CALN1: variants seen among roughly 807,000 people sequenced by gnomAD.
CALN1 encodes the protein calcium-binding protein 8.
Under a neutral mutation model 30.6 loss-of-function variants are expected in CALN1, and 17 were observed. The observed-to-expected ratio is 0.56, with a 90% CI of 0.38 to 0.83. The LOEUF is 0.83. Among genes scored for constraint, CALN1 ranks in the 40% least tolerant of loss-of-function variants. The pLI is 0.00. For synonymous variants in CALN1, 156 were observed against 131.4 expected, an observed-to-expected ratio of 1.19 and a Z score of -1.28; for missense variants, 291 against 354.9, an observed-to-expected ratio of 0.82 and a Z score of 1.45.
intron 4 of CALN1, among the ~76,000 whole-genome samples, chr7:72,044,223 G>A (rs1041689243): frequency 1.3e-5 from 2 of 152,094 alleles, no homozygotes; most frequent in African/African-American, 4.8e-5. Context: ...AGAACAGGAG[G>A]AGCAAATCAG....
chr7:72,458,771 A>G, the CALN1 span, among the ~76,000 whole-genome samples: 1 of 122,268 alleles, frequency 8.2e-6, no homozygotes, highest in Non-Finnish European at 1.6e-5. Context: ...TCTATATTAT[A>G]TAATATATTT....
At chr7:72,333,204 A>T (rs918620875) in intron 2 of CALN1, among the ~76,000 whole-genome samples, 2 of 152,074 alleles carry the variant, frequency 1.3e-5, no homozygotes, top group Non-Finnish European at 2.9e-5. Context: ...CATCACCTCC[A>T]CCCTTGCCTA....
At chr7:72,103,982 T>A (rs1480889609) in intron 4 of CALN1, 1 of 152,352 alleles carries the variant, frequency 6.6e-6, no homozygotes, top group South Asian at 2.1e-4. Flanking sequence ...AGGAAGATAA[T>A]GCCATTTTCT....
chr7:72,140,847 G>C (rs1809877230), intron 3 of CALN1, among the ~76,000 whole-genome samples: 1 of 152,246 alleles, frequency 6.6e-6, no homozygotes, highest in Non-Finnish European at 1.5e-5. Context: ...GGGAAAGCTG[G>C]CAAGTACATC....
chr7:71,808,337 AT>A (rs1759450655), intron 6 of CALN1, among the ~76,000 whole-genome samples: 1 of 151,686 alleles, frequency 6.6e-6, no homozygotes, highest in Non-Finnish European at 1.5e-5. Flanking sequence ...ACTTAAAATT[AT>A]TAATTAACCA....
chr7:71,937,399 T>C (rs1460377644), intron 5 of CALN1, among the ~76,000 whole-genome samples: 1 of 149,130 alleles, frequency 6.7e-6, no homozygotes, highest in Non-Finnish European at 1.5e-5. Context: ...TATATGTATT[T>C]ACATATACAG....
chr7:71,808,591 T>C (rs1210676370), intron 6 of CALN1, among the ~76,000 whole-genome samples: 6 of 152,136 alleles, frequency 3.9e-5, no homozygotes, highest in Admixed American at 3.9e-4. Flanking sequence ...ATGTATAAGG[T>C]TTTGAGAAAT....
At chr7:72,460,904 T>A in the CALN1 span, among the ~76,000 whole-genome samples, 4 of 152,134 alleles carry the variant, frequency 2.6e-5, no homozygotes, top group Non-Finnish European at 5.9e-5. Context: ...CCTTCTTGAA[T>A]CACCCTGAGT....
At chr7:72,035,806 CCA>C (rs1801758195) in intron 4 of CALN1, among the ~76,000 whole-genome samples, 1 of 152,192 alleles carries the variant, frequency 6.6e-6, no homozygotes, top group Non-Finnish European at 1.5e-5. Context: ...ATGGCCCAAA[CCA>C]CAAACTAGTA....
intron 5 of CALN1, among the ~76,000 whole-genome samples, chr7:71,811,613 C>T (rs376199300): frequency 3.3e-5 from 5 of 151,848 alleles, no homozygotes; most frequent in Admixed American, 6.6e-5. Context: ...TGCCCCTCCC[C>T]GAGAGAGGAC....
At chr7:72,338,525 G>GTGTCTGTGTGTCTGTCTGTC in intron 2 of CALN1, among the ~76,000 whole-genome samples, 1 of 122,378 alleles carries the variant, frequency 8.2e-6, no homozygotes, top group African/African-American at 3.1e-5. Flanking sequence ...GTGTGTGTGT[G>GTGTCTGTGTGTCTGTCTGTC]TGTCTCACCT....
At chr7:71,895,996 T>C (rs1793510651) in intron 5 of CALN1, among the ~76,000 whole-genome samples, 1 of 152,238 alleles carries the variant, frequency 6.6e-6, no homozygotes, top group African/African-American at 2.4e-5. Flanking sequence ...GCTTATTTCC[T>C]GAGAATAATG....
At chr7:72,165,413 T>C (rs1025674514) in intron 3 of CALN1, among the ~76,000 whole-genome samples, 1 of 151,634 alleles carries the variant, frequency 6.6e-6, no homozygotes, top group Non-Finnish European at 1.5e-5. Flanking sequence ...TACAATAAAT[T>C]AGCCAGGCAT....
intron 3 of CALN1, among the ~76,000 whole-genome samples, chr7:72,273,968 G>A (rs564800637): frequency 1.3e-5 from 2 of 152,096 alleles, no homozygotes; most frequent in African/African-American, 4.8e-5. Context: ...TCTGGAAGAC[G>A]TAGAGAAAAA....
At chr7:72,323,479 G>C in intron 2 of CALN1, among the ~76,000 whole-genome samples, 1 of 151,992 alleles carries the variant, frequency 6.6e-6, no homozygotes, top group Non-Finnish European at 1.5e-5. Context: ...GGCCAACATA[G>C]TGAAATCCCG....
At chr7:71,908,796 C>T (rs541974925) in intron 5 of CALN1, among the ~76,000 whole-genome samples, 14 of 152,172 alleles carry the variant, frequency 9.2e-5, no homozygotes, top group Non-Finnish European at 1.9e-4. Context: ...CTGGACAAAG[C>T]CAAGTCAATG....
chr7:72,368,795 A>C (rs1804035837), intron 2 of CALN1, among the ~76,000 whole-genome samples: 1 of 150,078 alleles, frequency 6.7e-6, no homozygotes. Context: ...CATCACAGAG[A>C]ATGGTTTGAA....
At position 71,968,811 on chromosome 7, in the gene CALN1, G is replaced by A. The variant is rs182337738; in HGVS notation, c.501+54846C>T. ...TGTAATCCCAGCACTTTGGGAGGCTGAGGTGAGAGGATTGCTTGAGTCCAG... is the reference window on the plus strand; with the variant it reads ...TGTAATCCCAGCACTTTGGGAGGCTAAGGTGAGAGGATTGCTTGAGTCCAG... On this transcript the variant is annotated intron_variant, in intron 5 of 6. Transcript: ENST00000395275. Among the ~76,000 whole-genome samples, 45 of 152,110 alleles carry A rather than the reference G, an allele frequency of 3.0e-4. No individual in the cohort carries two copies. The East Asian group carries it at 4.9e-3, about 16-fold the overall frequency.
At chr7:71,805,767 C>A (rs189867238) in intron 6 of CALN1, among the ~76,000 whole-genome samples, 113 of 152,148 alleles carry the variant, frequency 7.4e-4, no homozygotes, top group African/African-American at 2.6e-3. Context: ...ATTTATATTC[C>A]TTTGGGAATA....
Sources: gnomAD v4.1 joint callset for allele counts (sites outside exome capture counted in the v4.1 genomes callset) on GRCh38, gnomAD v4.1.1 for gene constraint, MANE v1.5 for transcripts, NCBI Gene and HGNC (gene_info 2026-07-23, HGNC 2026-07-21) for gene names.